CDC42BPG: variants seen among roughly 807,000 people sequenced by gnomAD.
The protein encoded by CDC42BPG is serine/threonine-protein kinase MRCK gamma.
In CDC42BPG, 157 loss-of-function variants were observed where a neutral mutation model predicts 192.2. The ratio of observed to expected loss-of-function variants is 0.82; its 90% confidence interval spans 0.72 to 0.93. The LOEUF is 0.93. Among genes scored for constraint, CDC42BPG ranks in the 40% least tolerant of loss-of-function variants. CDC42BPG has a pLI of 0.00. For missense variants in CDC42BPG, 1,992 were observed against 2,122.1 expected, an observed-to-expected ratio of 0.94 and a Z score of 1.20; for synonymous variants, 981 against 918.5, an observed-to-expected ratio of 1.07 and a Z score of -1.23.
chr11:64,844,610 G>A lies in CDC42BPG; in HGVS notation c.-41C>T, dbSNP rs1229776661. On this transcript the variant is annotated 5_prime_UTR_variant, in exon 1 of 37. Transcript: ENST00000342711. The stretch of plus-strand genomic sequence containing the variant: ...CTCGCTGCTCGGCTACAGTCTGGCC[G>A]CCCGCATGCCCGCCTGTCGGGCCGT... The A allele has an allele frequency of 4.1e-6, 5 of 1,230,344 alleles. No individual in the cohort carries two copies. The highest frequency in any genetic ancestry group is 5.1e-6 in the Non-Finnish European group (5 of 985,412). The allele number at this position is 1,230,344 out of a possible 1,614,324, so 76.2% of individuals were successfully genotyped here. A position where few individuals can be genotyped will look rare whatever the true frequency, so the allele number is the denominator to read the frequency against.
chr11:64,842,944 G>A (rs1943344555), intron 1 of CDC42BPG, among the ~76,000 whole-genome samples: 1 of 152,178 alleles, frequency 6.6e-6, no homozygotes, highest in Non-Finnish European at 1.5e-5. Flanking sequence ...CGCAGCGGGG[G>A]CGGGGTGGAA....
At chr11:64,839,306 CCT>C (rs1433040029) in intron 6 of CDC42BPG, 73 bp from the exon 7 acceptor site, 16 of 1,574,434 alleles carry the variant, frequency 1.0e-5, no homozygotes, top group African/African-American at 9.4e-5. Context: ...TCGCGATGGC[CCT>C]GTCACCCCTA....
chr11:64,830,059 C>T lies in CDC42BPG; in HGVS notation c.3379G>A (p.Val1127Met), dbSNP rs1246390964. The T allele has an allele frequency of 1.9e-6, 3 of 1,612,730 alleles. No individual in the cohort carries two copies. Among genetic ancestry groups the T allele is most frequent in the African/African-American group, 1.3e-5 (1 of 75,054 alleles). Residue 1127 changes from valine (V) to methionine (M), a missense_variant, in exon 30 of 37, where the codon GTG becomes ATG. Coordinates refer to ENST00000342711, the MANE Select transcript of CDC42BPG (RefSeq NM_017525.3). ...IHLRSNDIFQ[V>M]GECRRVQQLT... ...TGCTGCACGCGCCGGCACTCCCCCA[C>T]CTGGAAGATGTCTGCAGGGTTGGCG...
chr11:64,825,953 C>T (rs1396208827), intron 36 of CDC42BPG, among the ~76,000 whole-genome samples: 1 of 151,106 alleles, frequency 6.6e-6, no homozygotes, highest in African/African-American at 2.4e-5. Flanking sequence ...GTAATACCAG[C>T]GACTTGGGAG....
Position 64,828,383 on chromosome 11 carries a change from C to T in CDC42BPG, c.3968-600G>A, listed in dbSNP as rs139001429. Among the ~76,000 whole-genome samples the T allele has an allele frequency of 9.1e-3, 1,379 of 152,302 alleles. 20 individuals are homozygous for T. The highest frequency in any genetic ancestry group is 0.031 in the African/African-American group (1,275 of 41,552). ...TTGATGTGGATGAGGAAACCAGCCCCGGCCCATTCTGTGGGACCCCAGTGC... is the reference window on the plus strand; with the variant it reads ...TTGATGTGGATGAGGAAACCAGCCCTGGCCCATTCTGTGGGACCCCAGTGC... On this transcript the variant is annotated intron_variant, in intron 30 of 36. Transcript: ENST00000342711.
intron 11 of CDC42BPG, 63 bp downstream of exon 11, chr11:64,836,676 C>A: frequency 8.4e-7 from 1 of 1,190,700 alleles, no homozygotes; most frequent in Non-Finnish European, 1.2e-6. Context: ...CAGGGCAGGG[C>A]AGGACCCGAG....
rs1237352727 is a variant in CDC42BPG, at chr11:64,834,414, T to C, written c.2324+15A>G. 1.9e-6 allele frequency: 3 copies of C among 1,562,734 alleles called. No individual in the cohort carries two copies. The Admixed American group carries it at 5.4e-5, about 28-fold the overall frequency. ...TGTGCGGGCCCTGGCCCCCAGTGCC[T>C]GCCCCTAGCCTCACCGCTCAGCCTG... is the stretch of plus-strand genomic sequence containing the variant. On this transcript the variant is annotated intron_variant, in intron 19 of 36. Transcript: ENST00000342711.
At position 64,840,140 on chromosome 11, in the gene CDC42BPG, G is replaced by A; in HGVS notation, c.561C>T (p.His187=). ...AEMVLAIHSL[H]QLGYVHRDVK... The stretch of plus-strand genomic sequence containing the variant: ...CCCACCTGTGGACATAACCCAGCTG[G>A]TGCAGCGAGTGGATGGCCAGCACCA... The change falls in exon 5 of 37, where the codon CAC becomes CAT. Residue 187 remains histidine, a synonymous_variant. Transcript: ENST00000342711. The A allele has an allele frequency of 1.2e-6, 2 of 1,612,750 alleles. No individual in the cohort carries two copies. The highest frequency in any genetic ancestry group is 1.7e-6 in the Non-Finnish European group (2 of 1,179,742).
rs545181881 is a variant in CDC42BPG at position 64,831,599 on chromosome 11, G to A, written c.3210C>T (p.Asp1070=). The part of the protein sequence containing the change: ...VLGELQRLLL[D]ARPRPRPVYT... ...ACACGGGCCGGGGTCTTGGCCGCGC[G>A]TCCAGCAGCAGCCGCTGCAGCTCAC... The change falls in exon 28 of 37, where the codon GAC becomes GAT. Residue 1070 remains aspartate, a synonymous_variant. Coordinates refer to ENST00000342711, the MANE Select transcript of CDC42BPG (RefSeq NM_017525.3). 101 of 1,612,070 alleles carry A rather than the reference G, an allele frequency of 6.3e-5. 1 individual carries two copies. In the East Asian group the frequency reaches 1.1e-3, roughly 18 times the overall value.
intron 3 of CDC42BPG, among the ~76,000 whole-genome samples, chr11:64,841,150 TA>T (rs1324203282): frequency 1.5e-5 from 2 of 136,418 alleles, no homozygotes; most frequent in Non-Finnish European, 1.6e-5. Context: ...GACTCTATCT[TA>T]AAAAAAAAAG....
In CDC42BPG at chr11:64,833,973, G is replaced by A. The variant is rs561218058; in HGVS notation, c.2418C>T (p.Thr806=). The A allele has an allele frequency of 5.0e-6, 8 of 1,614,212 alleles. No homozygotes were observed. The highest frequency in any genetic ancestry group is 1.7e-4 in the Middle Eastern group (1 of 6,060). Residue 806 remains threonine (T), a synonymous_variant, in exon 21 of 37, where the codon ACC becomes ACT. Coordinates refer to ENST00000342711, the MANE Select transcript of CDC42BPG (RefSeq NM_017525.3). ...AGGGAATCAGGGAGTTTGAGGGCTT[G>A]GTGTCTGCAAAGAAAGGGTGGGTCA... ...EELRARGPVD[T]KPSNSLIPFL...
chr11:64,836,704 C>CCCGG lies in CDC42BPG; in HGVS notation c.1384+34_1384+35insCCGG, dbSNP rs774363324. 34 of 455,578 alleles carry CCCGG rather than the reference C, an allele frequency of 7.5e-5. 4 individuals are homozygous for CCCGG. In the African/African-American group the frequency reaches 1.4e-3, roughly 19 times the overall value. 28.2% of individuals were successfully genotyped at this position (455,578 alleles called of 1,614,324 possible). On this transcript the variant is annotated intron_variant, in intron 11 of 36. Coordinates refer to ENST00000342711, the MANE Select transcript of CDC42BPG (RefSeq NM_017525.3). ...GACCCGAGCCCAGGTGGGACTCAGC[C>CCCGG]CTGGGGGGGGGGGGGGGGTGGGCGG...
Position 64,833,856 on chromosome 11 carries a change from G to A in CDC42BPG, c.2467-20C>T, listed in dbSNP as rs780480208. 1.1e-5 allele frequency: 17 copies of A among 1,614,052 alleles called. No individual in the cohort carries two copies. The Admixed American group carries it at 1.3e-4, about 13-fold the overall frequency. On this transcript the variant is annotated intron_variant, in intron 21 of 36. Transcript: ENST00000342711. ...ATCCTTCTGGGGGTGGGAGAGAGAG[G>A]AGCAAAGTCAAGGTCCCTGTGCCTC...
Position 64,844,596 on chromosome 11 carries a change from G to T in CDC42BPG, c.-27C>A. 1 of 1,248,456 alleles carries T rather than the reference G, an allele frequency of 8.0e-7. No individual in the cohort carries two copies. The highest frequency in any genetic ancestry group is 1.0e-6 in the Non-Finnish European group (1 of 996,464). 77.3% of individuals were successfully genotyped at this position (1,248,456 alleles called of 1,614,324 possible). A position where few individuals can be genotyped will look rare whatever the true frequency, so the allele number is the denominator to read the frequency against. On this transcript the variant is annotated 5_prime_UTR_variant, in exon 1 of 37. Transcript: ENST00000342711. ...GCTGCGGCCGGAGCCTCGCTGCTCG[G>T]CTACAGTCTGGCCGCCCGCATGCCC... is the stretch of plus-strand genomic sequence containing the variant.
At chr11:64,839,898 C>T (rs1234806993) in intron 5 of CDC42BPG, among the ~76,000 whole-genome samples, 2 of 152,158 alleles carry the variant, frequency 1.3e-5, no homozygotes, top group Admixed American at 6.5e-5. Context: ...CAGGTGTTTC[C>T]CTGTGCTAAG....
chr11:64,830,629 C>T (rs564499333), intron 28 of CDC42BPG, among the ~76,000 whole-genome samples: 7 of 152,332 alleles, frequency 4.6e-5, no homozygotes, highest in Non-Finnish European at 8.8e-5. Context: ...CTCTGGTTCC[C>T]GACTGCTCCA....
Position 64,829,152 on chromosome 11 carries a change from G to A in CDC42BPG, c.3967+319C>T, listed in dbSNP as rs925847291. Among the ~76,000 whole-genome samples, 46 of 152,174 alleles carry A rather than the reference G, an allele frequency of 3.0e-4. No homozygotes were observed. In the East Asian group the frequency reaches 4.4e-3, roughly 15 times the overall value. ...GGAGGATCACTTGACCCCAGGAGGCGGAGGTGGCAGTGAGTCGAGATTGTG... is the reference window on the plus strand; with the variant it reads ...GGAGGATCACTTGACCCCAGGAGGCAGAGGTGGCAGTGAGTCGAGATTGTG... On this transcript the variant is annotated intron_variant, in intron 30 of 36. Transcript: ENST00000342711.
chr11:64,835,658 G>T, intron 14 of CDC42BPG, 37 bp from the exon 15 acceptor site: 3 of 1,581,174 alleles, frequency 1.9e-6, no homozygotes, highest in Non-Finnish European at 2.6e-6. Flanking sequence ...AGAGACCCAA[G>T]ATGCCATGGC....
At chr11:64,824,798 G>A (rs981815622) in intron 36 of CDC42BPG, among the ~76,000 whole-genome samples, 5 of 152,012 alleles carry the variant, frequency 3.3e-5, no homozygotes, top group African/African-American at 1.2e-4. Context: ...AGCCTGGAGT[G>A]CAATAATGGC....
Sources: gnomAD v4.1 joint callset for allele counts (sites outside exome capture counted in the v4.1 genomes callset) on GRCh38, gnomAD v4.1.1 for gene constraint, MANE v1.5 for transcripts, NCBI Gene and HGNC (gene_info 2026-07-23, HGNC 2026-07-21) for gene names.